ARL10: variants seen among roughly 807,000 people sequenced by gnomAD.
ARL10 encodes the protein ARF like GTPase 10.
ARL10 carries 23 observed loss-of-function variants against 26.1 expected under a neutral mutation model. The ratio of observed to expected loss-of-function variants is 0.88; its 90% confidence interval spans 0.63 to 1.25. The LOEUF (loss-of-function observed/expected upper bound fraction) is 1.25, where lower values mean the gene tolerates loss of function less well. Among genes scored for constraint, ARL10 ranks in the 50% most tolerant of loss-of-function variants. ARL10 has a pLI of 0.00. For synonymous variants in ARL10, 138 were observed against 149.1 expected (o/e 0.93, Z 0.54); for missense variants, 300 against 323.6 (o/e 0.93, Z 0.56).
At chr5:176,406,774 G>A, downstream of ARL10, 2 of 1,195,190 alleles carry the variant, frequency 1.7e-6, no homozygotes, top group Non-Finnish European at 2.2e-6. Context: ...TGTTGGGTGT[G>A]CACAGGCCAA....
At chr5:176,410,061 T>C in the ARL10 span, among the ~76,000 whole-genome samples, 2 of 152,310 alleles carry the variant, frequency 1.3e-5, no homozygotes, top group South Asian at 2.1e-4. Context: ...TCTCGATCTC[T>C]AGTGGTCCTT....
downstream of ARL10, chr5:176,389,752 T>G (rs1756185103): frequency 2.6e-6 from 1 of 391,480 alleles, no homozygotes; most frequent in African/African-American, 2.1e-5. Context: ...AAAAATCCAC[T>G]TGTATTTAAT....
the ARL10 span, among the ~76,000 whole-genome samples, chr5:176,413,118 T>C: frequency 6.6e-6 from 1 of 152,030 alleles, no homozygotes; most frequent in East Asian, 1.9e-4. Context: ...TACACAGCAT[T>C]CCAAGTACCT....
chr5:176,414,797 G>A, the ARL10 span, among the ~76,000 whole-genome samples: 1 of 152,094 alleles, frequency 6.6e-6, no homozygotes, highest in Non-Finnish European at 1.5e-5. Context: ...ACAAAAGCCT[G>A]GTTACATTTC....
chr5:176,366,519 C>T lies in ARL10; in HGVS notation c.323C>T (p.Pro108Leu). Reference protein sequence around the residue: ...SGKPPLEGHIPTWGFNSVRLP... With the variant: ...SGKPPLEGHILTWGFNSVRLP... Reference sequence around the variant, plus strand: ...AAGCCACCGCTGGAAGGCCACATCCCCACCTGGGGCTTCAACTCCGTGCGT... The same window carrying T: ...AAGCCACCGCTGGAAGGCCACATCCTCACCTGGGGCTTCAACTCCGTGCGT... The change falls in exon 2 of 4, where the codon CCC becomes CTC. Residue 108 changes from proline (P) to leucine (L), a missense_variant. Coordinates refer to ENST00000310389, the MANE Select transcript of ARL10 (RefSeq NM_173664.6). The T allele has an allele frequency of 3.7e-6, 6 of 1,614,144 alleles. No homozygotes were observed. The highest frequency in any genetic ancestry group is 5.1e-6 in the Non-Finnish European group (6 of 1,180,028).
At chr5:176,388,138 G>C in intron 1 of ARL10, 1 of 912,162 alleles carries the variant, frequency 1.1e-6, no homozygotes, top group Non-Finnish European at 1.7e-6. Context: ...GGAAGGGCCT[G>C]AGGGAAGGAA....
chr5:176,413,944 C>T, the ARL10 span, among the ~76,000 whole-genome samples: 810 of 152,304 alleles, frequency 5.3e-3, 8 homozygotes, highest in African/African-American at 0.018. Flanking sequence ...GTTTCTCTCC[C>T]TGTCACCTCT....
intron 1 of ARL10, chr5:176,388,227 G>C: frequency 6.3e-7 from 1 of 1,597,032 alleles, no homozygotes; most frequent in South Asian, 1.1e-5. Context: ...ACCCTGCCAT[G>C]TCAGTACCTT....
At chr5:176,388,885 G>A (rs768248622), downstream of ARL10, 11 of 1,614,206 alleles carry the variant, frequency 6.8e-6, 1 homozygote, top group Non-Finnish European at 9.3e-6. Context: ...CAGTCATTGA[G>A]GGGCTGAGCC....
At chr5:176,390,367 C>G (rs1360826359), downstream of ARL10, among the ~76,000 whole-genome samples, 3 of 152,040 alleles carry the variant, frequency 2.0e-5, no homozygotes, top group Admixed American at 6.5e-5. Flanking sequence ...CTGCCCTCCA[C>G]TCCGCATAAC....
the ARL10 span, among the ~76,000 whole-genome samples, chr5:176,409,707 C>A: frequency 2.6e-5 from 4 of 152,144 alleles, no homozygotes; most frequent in Non-Finnish European, 4.4e-5. Flanking sequence ...AGCCACTGCA[C>A]CCGGCCCTGA....
chr5:176,384,435 A>T, downstream of ARL10: 1 of 1,527,924 alleles, frequency 6.5e-7, no homozygotes, highest in Non-Finnish European at 8.9e-7. Context: ...ATCTGAACTC[A>T]TCCTGAATTA....
chr5:176,365,727 CCGAGTGGGA>C lies in ARL10; in HGVS notation c.176_183+1del. 1.6e-6 allele frequency: 2 copies of C among 1,237,826 alleles called. No homozygotes were observed. Among genetic ancestry groups the C allele is most frequent in the Non-Finnish European group, 1.0e-6 (1 of 989,698 alleles). 76.7% of individuals were successfully genotyped at this position (1,237,826 alleles called of 1,614,324 possible). ...TGGGGCGCGGAGGCTGCCCGCCTCCCCGAGTGGGACGAGTGGGACGTGAGTGCCGGGCCG... is the reference window on the plus strand; with the variant it reads ...TGGGGCGCGGAGGCTGCCCGCCTCCCCGAGTGGGACGTGAGTGCCGGGCCG... On this transcript the variant is annotated inframe_deletion, in exon 1 of 4. Coordinates refer to ENST00000310389, the MANE Select transcript of ARL10 (RefSeq NM_173664.6).
chr5:176,389,390 A>C, downstream of ARL10: 1 of 1,614,126 alleles, frequency 6.2e-7, no homozygotes, highest in Non-Finnish European at 8.5e-7. Flanking sequence ...CCGGGGCAAC[A>C]GCCAGCGCTC....
At chr5:176,405,061 G>A (rs1757036068), downstream of ARL10, among the ~76,000 whole-genome samples, 1 of 152,218 alleles carries the variant, frequency 6.6e-6, no homozygotes, top group Non-Finnish European at 1.5e-5. Flanking sequence ...GGGAGATCAA[G>A]CACGTAAAGC....
chr5:176,385,193 G>T, downstream of ARL10: 1 of 1,375,934 alleles, frequency 7.3e-7, no homozygotes, highest in Non-Finnish European at 1.0e-6. Flanking sequence ...CGCCTTCCCA[G>T]CCAGCCCACG....
chr5:176,371,889 C>A lies in ARL10; in HGVS notation c.729C>A (p.Leu243=). 1 of 1,613,822 alleles carries A rather than the reference C, an allele frequency of 6.2e-7. No homozygotes were observed. The highest frequency in any genetic ancestry group is 1.1e-5 in the South Asian group (1 of 91,042). The change falls in exon 4 of 4, where the codon CTC becomes CTA. Residue 243 remains leucine (L), a synonymous_variant. Coordinates refer to ENST00000310389, the MANE Select transcript of ARL10 (RefSeq NM_173664.6). ...TCTGGAAACTGCTCTTGGAGCTCCT[C>A]TCCTAGGCTGGAGCTCTCCTGCTTG... ...VHIWKLLLEL[L]S
At chr5:176,385,597 A>G (rs756299106), downstream of ARL10, among the ~76,000 whole-genome samples, 2 of 152,232 alleles carry the variant, frequency 1.3e-5, no homozygotes, top group African/African-American at 2.4e-5. Flanking sequence ...AGGTGGATTT[A>G]CAAGGAAGGT....
chr5:176,395,932 C>T (rs1756500286), intron 1 of ARL10, among the ~76,000 whole-genome samples: 1 of 152,062 alleles, frequency 6.6e-6, no homozygotes, highest in African/African-American at 2.4e-5. Context: ...GTCAGGAGTT[C>T]GAGACCAGCC....
Sources: allele counts gnomAD v4.1 joint callset (sites outside exome capture counted in the v4.1 genomes callset), GRCh38; gene constraint gnomAD v4.1.1; transcripts MANE v1.5; gene names NCBI Gene and HGNC (gene_info 2026-07-23, HGNC 2026-07-21).